The following PRMT9 variants were observed in gnomAD, a reference collection of about 807,000 sequenced individuals.
The protein encoded by PRMT9 is protein arginine N-methyltransferase 9.
PRMT9 carries 59 observed loss-of-function variants against 83.2 expected under a neutral mutation model. That is an observed-to-expected ratio of 0.71 (90% CI 0.57 to 0.88). PRMT9 has a LOEUF of 0.88. Among genes scored for constraint, PRMT9 ranks in the 40% least tolerant of loss-of-function variants. The pLI, the probability that PRMT9 is intolerant of heterozygous loss-of-function variation, is 0.00. For missense variants in PRMT9, 947 were observed against 1,021.9 expected (o/e 0.93, Z 1.00); for synonymous variants, 333 against 353.2 (o/e 0.94, Z 0.64).
Position 147,638,450 on chromosome 4 carries a change from T to C in PRMT9, c.*82A>G. Reference sequence around the variant, plus strand: ...AAATATTTGACCATTACAAGGAATTTTTATATACCCCCACTAATTAAGACA... The same window carrying C: ...AAATATTTGACCATTACAAGGAATTCTTATATACCCCCACTAATTAAGACA... On this transcript the variant is annotated 3_prime_UTR_variant, in exon 12 of 12. Coordinates refer to ENST00000322396, the MANE Select transcript of PRMT9 (RefSeq NM_138364.4). The C allele has an allele frequency of 9.8e-7, 1 of 1,017,162 alleles. No homozygotes were observed. The highest frequency in any genetic ancestry group is 1.7e-5 in the Admixed American group (1 of 57,538). 63.0% of individuals were successfully genotyped at this position (1,017,162 alleles called of 1,614,324 possible).
At chr4:147,681,783 T>A (rs1736485845) in intron 1 of PRMT9, among the ~76,000 whole-genome samples, 1 of 143,114 alleles carries the variant, frequency 7.0e-6, no homozygotes, top group Non-Finnish European at 1.5e-5. Context: ...TGAGACTCTA[T>A]AAAAAAAAAA....
chr4:147,641,922 C>T (rs764497386), intron 10 of PRMT9, among the ~76,000 whole-genome samples: 2 of 152,200 alleles, frequency 1.3e-5, no homozygotes, highest in Non-Finnish European at 2.9e-5. Context: ...CTTTGCCTCT[C>T]AAAGTGCCAG....
chr4:147,649,162 G>C (rs887413174), intron 9 of PRMT9, among the ~76,000 whole-genome samples: 12 of 151,972 alleles, frequency 7.9e-5, no homozygotes, highest in Non-Finnish European at 1.5e-4. Flanking sequence ...GAGAGAGAGA[G>C]AGAGAAGAGG....
Position 147,684,024 on chromosome 4 carries a change from T to G in PRMT9, c.-37A>C. On this transcript the variant is annotated 5_prime_UTR_variant, in exon 1 of 12. Transcript: ENST00000322396. ...CTTGTATGGCCAAAGGGAAGATATTTTGTAAACGTAATTAGAAAACTCTCT... is the reference window on the plus strand; with the variant it reads ...CTTGTATGGCCAAAGGGAAGATATTGTGTAAACGTAATTAGAAAACTCTCT... The G allele has an allele frequency of 6.3e-7, 1 of 1,599,592 alleles. No homozygotes were observed. Among genetic ancestry groups the G allele is most frequent in the Non-Finnish European group, 8.5e-7 (1 of 1,171,322 alleles).
intron 2 of PRMT9, among the ~76,000 whole-genome samples, chr4:147,679,153 C>T (rs1262416381): frequency 6.6e-6 from 1 of 152,192 alleles, no homozygotes; most frequent in African/African-American, 2.4e-5. Flanking sequence ...GCGGAGAGGC[C>T]GCGTGCAGTG....
chr4:147,668,650 A>C lies in PRMT9; in HGVS notation c.847-5T>G. 1 of 1,490,788 alleles carries C rather than the reference A, an allele frequency of 6.7e-7. No individual in the cohort carries two copies. Among genetic ancestry groups the C allele is most frequent in the Non-Finnish European group, 9.4e-7 (1 of 1,068,242 alleles). 92.3% of individuals were successfully genotyped at this position (1,490,788 alleles called of 1,614,324 possible). A position where few individuals can be genotyped will look rare whatever the true frequency, so the allele number is the denominator to read the frequency against. On this transcript the variant is annotated splice_region_variant and splice_polypyrimidine_tract_variant and intron_variant, in intron 5 of 11. Coordinates refer to ENST00000322396, the MANE Select transcript of PRMT9 (RefSeq NM_138364.4). ...ATTAGCACTTTCACCTTTGGTCTAA[A>C]AAAAATAACAATAAGAATTATGTTA...
chr4:147,637,808 C>G lies in PRMT9; in HGVS notation c.*724G>C, dbSNP rs1425398314. 3 of 152,180 alleles carry G rather than the reference C, an allele frequency of 2.0e-5. No individual in the cohort carries two copies. Among genetic ancestry groups the G allele is most frequent in the Non-Finnish European group, 2.9e-5 (2 of 68,088 alleles). 9.4% of individuals were successfully genotyped at this position (152,180 alleles called of 1,614,324 possible). On this transcript the variant is annotated 3_prime_UTR_variant, in exon 12 of 12. Coordinates refer to ENST00000322396, the MANE Select transcript of PRMT9 (RefSeq NM_138364.4). ...TATAGGAGGCATAATAATGATCTTC[C>G]TTTATTTCAAAAGTTTGTAAAAATT...
Position 147,638,626 on chromosome 4 carries a change from A to T in PRMT9, c.2444T>A (p.Val815Asp). 6.2e-7 allele frequency: 1 copy of T among 1,613,918 alleles called. No homozygotes were observed. The highest frequency in any genetic ancestry group is 1.3e-5 in the African/African-American group (1 of 75,006). ...TTCAACCTGGATGGGATTATCTAAA[A>T]CAACTGCAGCTTGTTTCCAGTGGGA... The part of the protein sequence containing the change: ...EASHWKQAAV[V>D]LDNPIQVEMG... The change falls in exon 12 of 12, where the codon GTT (valine) becomes GAT (aspartate). Residue 815 changes from valine to aspartate, a missense_variant. Physicochemically the swap from Val to Asp is radical, Grantham distance 152. Coordinates refer to ENST00000322396, the MANE Select transcript of PRMT9 (RefSeq NM_138364.4).
chr4:147,683,611 C>CTT (rs538532267), intron 1 of PRMT9, among the ~76,000 whole-genome samples, 188 bp downstream of exon 1: 2 of 150,852 alleles, frequency 1.3e-5, no homozygotes, highest in Non-Finnish European at 3.0e-5. Flanking sequence ...GCCCCTCCGC[C>CTT]TTTTTTCTTT....
At position 147,680,462 on chromosome 4, in the gene PRMT9, GA is replaced by G. The variant is rs769891771; in HGVS notation, c.198del (p.Gln67SerfsTer36). On this transcript the variant is annotated frameshift_variant, in exon 2 of 12. Coordinates refer to ENST00000322396, the MANE Select transcript of PRMT9 (RefSeq NM_138364.4). LOFTEE classifies it high-confidence loss of function. ...TCAGCCCATCTGAAAAGTGTGTACT[GA>G]AAAGTTTCCTTTACAAATAAGAAAA... is the stretch of plus-strand genomic sequence containing the variant. Reference protein sequence around the residue: ...PELKHDVKETFQYTLFRWAEE... With the variant: ...PELKHDVKETXQYTLFRWAEE... 1 of 1,613,172 alleles carries G rather than the reference GA, an allele frequency of 6.2e-7. No homozygotes were observed. The highest frequency in any genetic ancestry group is 1.3e-5 in the African/African-American group (1 of 75,000).
rs1055346828 is a variant in PRMT9, at chr4:147,678,800, G to A, written c.338+1523C>T. 3.9e-5 allele frequency among the ~76,000 whole-genome samples: 6 copies of A among 152,304 alleles called. No individual in the cohort carries two copies. The South Asian group carries it at 6.2e-4, about 16-fold the overall frequency. On this transcript the variant is annotated intron_variant, in intron 2 of 11. Transcript: ENST00000322396. ...TTCACGTGTACTGTCATAACTCACC[G>A]TGGGAATGAAGTGCATCCTGCGTGA...
intron 2 of PRMT9, among the ~76,000 whole-genome samples, chr4:147,676,599 C>T (rs1736090224): frequency 1.3e-5 from 2 of 152,236 alleles, no homozygotes; most frequent in South Asian, 4.1e-4. Flanking sequence ...CAATTAAAAA[C>T]TATCAAATAT....
At chr4:147,658,880 T>C (rs935921075) in intron 7 of PRMT9, among the ~76,000 whole-genome samples, 2 of 151,934 alleles carry the variant, frequency 1.3e-5, no homozygotes, top group African/African-American at 4.8e-5. Flanking sequence ...GGGTGGATCA[T>C]TGAGGTCAAG....
In PRMT9 at chr4:147,660,882, G is replaced by T. The variant is rs1734900852; in HGVS notation, c.1110C>A (p.Cys370Ter). ...VPGGYLALTECFEIMTVDFNN... is the reference protein window; with the variant it reads ...VPGGYLALTE ...TGAAATCTACTGTCATAATTTCAAA[G>T]CACTCTGTCAAAGCCAAATATCCTC... Residue 370 changes from cysteine (C) to a stop codon, truncating the protein, a stop_gained, in exon 7 of 12, where the codon TGC (cysteine) becomes TGA (stop). Coordinates refer to ENST00000322396, the MANE Select transcript of PRMT9 (RefSeq NM_138364.4). LOFTEE classifies it high-confidence loss of function. 10 of 1,613,706 alleles carry T rather than the reference G, an allele frequency of 6.2e-6. No individual in the cohort carries two copies. Among genetic ancestry groups the T allele is most frequent in the Non-Finnish European group, 8.5e-6 (10 of 1,179,740 alleles).
intron 5 of PRMT9, 56 bp from the exon 6 acceptor site, chr4:147,668,701 CATA>C (rs1049881642): frequency 7.3e-6 from 7 of 964,872 alleles, no homozygotes; most frequent in Non-Finnish European, 1.0e-5. Context: ...AATGTGTGTG[CATA>C]ATGATAAGCT....
At chr4:147,643,724 G>GT (rs1209892313) in intron 9 of PRMT9, among the ~76,000 whole-genome samples, 2 of 152,238 alleles carry the variant, frequency 1.3e-5, no homozygotes, top group African/African-American at 4.8e-5. Context: ...GCTGGGCATG[G>GT]TGGCTGATGC....
chr4:147,664,967 A>C (rs1271000901), intron 6 of PRMT9, among the ~76,000 whole-genome samples: 2 of 151,834 alleles, frequency 1.3e-5, no homozygotes, highest in Non-Finnish European at 2.9e-5. Context: ...AAAATACAAA[A>C]AATCAGCCGG....
chr4:147,660,201 C>A (rs1323297116), intron 7 of PRMT9, among the ~76,000 whole-genome samples: 2 of 152,194 alleles, frequency 1.3e-5, no homozygotes, highest in African/African-American at 2.4e-5. Flanking sequence ...ATGTGAGCAA[C>A]AATTTCCTCA....
rs1367606458 is a variant in PRMT9 at position 147,654,002 on chromosome 4, G to A, written c.1895C>T (p.Thr632Ile). 1 of 1,614,064 alleles carries A rather than the reference G, an allele frequency of 6.2e-7. No homozygotes were observed. The highest frequency in any genetic ancestry group is 8.5e-7 in the Non-Finnish European group (1 of 1,180,030). The part of the protein sequence containing the change: ...ISEANHFPKE[T>I]LEFWLRHVED... Reference sequence around the variant, plus strand: ...CACATGTCTCAGCCAAAACTCAAGTGTTTCTTTAGGAAAGTGATTGGCTTC... The same window carrying A: ...CACATGTCTCAGCCAAAACTCAAGTATTTCTTTAGGAAAGTGATTGGCTTC... Residue 632 changes from threonine to isoleucine, a missense_variant, in exon 9 of 12, where the codon ACA becomes ATA. Thr to Ile is a moderately conservative substitution (Grantham distance 89). Transcript: ENST00000322396.
Sources: allele counts gnomAD v4.1 joint callset (sites outside exome capture counted in the v4.1 genomes callset), GRCh38; gene constraint gnomAD v4.1.1; transcripts MANE v1.5; gene names NCBI Gene and HGNC (gene_info 2026-07-23, HGNC 2026-07-21).